The following CSMD3 variants were observed in gnomAD, a reference collection of about 807,000 sequenced individuals.
CSMD3 encodes the protein CUB and sushi domain-containing protein 3.
In CSMD3, 177 loss-of-function variants were observed where a neutral mutation model predicts 435.2. The ratio of observed to expected loss-of-function variants is 0.41; its 90% CI spans 0.36 to 0.46. CSMD3 has a LOEUF of 0.46. CSMD3 is among the 20% of genes least tolerant of loss of function. The pLI is 0.34. For missense variants in CSMD3, 4,265 were observed against 4,504.6 expected (o/e 0.95, Z 1.52); for synonymous variants, 1,656 against 1,520.5 (o/e 1.09, Z -2.07).
chr8:112,689,876 A>C lies in CSMD3; in HGVS notation c.2147T>G (p.Ile716Ser), dbSNP rs1241099473. 4 of 1,612,886 alleles carry C rather than the reference A, an allele frequency of 2.5e-6. 1 individual carries two copies. In the South Asian group the frequency reaches 4.4e-5, roughly 18 times the overall value. Residue 716 changes from isoleucine to serine, a missense_variant, in exon 14 of 71, where the codon ATC (isoleucine) becomes AGC (serine). This residue lies in a region of CSMD3 where 279 missense variants were observed against 369.0 expected (regional missense o/e 0.76). Coordinates refer to ENST00000297405, the MANE Select transcript of CSMD3 (RefSeq NM_198123.2). ...AAGCATTTGGTACTCACAGATACAGATGGGTATGTTTGCAGACCATTGGTT... is the reference window on the plus strand; with the variant it reads ...AAGCATTTGGTACTCACAGATACAGCTGGGTATGTTTGCAGACCATTGGTT... Reference protein sequence around the residue: ...ENNQWSANIPICIFPCLSNFT... With the variant: ...ENNQWSANIPSCIFPCLSNFT...
intron 7 of CSMD3, among the ~76,000 whole-genome samples, chr8:112,972,302 C>T (rs2084687292): frequency 2.6e-5 from 4 of 151,774 alleles, no homozygotes; most frequent in Admixed American, 1.3e-4. Context: ...TTGCAGACAT[C>T]GAACGGACCT....
chr8:113,281,910 G>C (rs569388211), intron 2 of CSMD3, among the ~76,000 whole-genome samples: 5 of 152,000 alleles, frequency 3.3e-5, no homozygotes, highest in African/African-American at 1.2e-4. Flanking sequence ...GTCTGAAAAA[G>C]ACTGTATCTT....
chr8:113,062,639 G>A (rs2088664959), intron 5 of CSMD3, among the ~76,000 whole-genome samples: 1 of 151,654 alleles, frequency 6.6e-6, no homozygotes, highest in South Asian at 2.1e-4. Context: ...AAAATGAAAA[G>A]GCTGGTCAAA....
chr8:112,803,474 A>G (rs1417519315), intron 12 of CSMD3, among the ~76,000 whole-genome samples: 1 of 152,170 alleles, frequency 6.6e-6, no homozygotes, highest in African/African-American at 2.4e-5. Flanking sequence ...AAAGTCACTT[A>G]TCATTTATAT....
At chr8:113,226,848 A>G (rs1208001781) in intron 3 of CSMD3, among the ~76,000 whole-genome samples, 1 of 151,584 alleles carries the variant, frequency 6.6e-6, no homozygotes, top group Non-Finnish European at 1.5e-5. Flanking sequence ...TGTCTTTCAT[A>G]TCCCATAAAG....
At chr8:113,127,401 A>G (rs1311775700) in intron 4 of CSMD3, among the ~76,000 whole-genome samples, 1 of 152,022 alleles carries the variant, frequency 6.6e-6, no homozygotes, top group Non-Finnish European at 1.5e-5. Context: ...TGCATGTAAC[A>G]TTTATTGAGT....
intron 5 of CSMD3, among the ~76,000 whole-genome samples, chr8:113,065,058 C>T (rs2088793781): frequency 6.6e-6 from 1 of 152,052 alleles, no homozygotes; most frequent in Admixed American, 6.6e-5. Context: ...AAATATACAG[C>T]TATATAGTTG....
At chr8:113,299,791 T>C (rs1563668746) in intron 2 of CSMD3, among the ~76,000 whole-genome samples, 2 of 152,048 alleles carry the variant, frequency 1.3e-5, no homozygotes, top group Non-Finnish European at 2.9e-5. Context: ...GGCCAGGAGT[T>C]CAAGACCAGC....
chr8:112,252,052 A>T (rs1391148464), intron 63 of CSMD3, among the ~76,000 whole-genome samples: 1 of 151,916 alleles, frequency 6.6e-6, no homozygotes, highest in Non-Finnish European at 1.5e-5. Context: ...ATAAATCTAT[A>T]AAGAAAAAGA....
In CSMD3 at chr8:112,418,494, C is replaced by G. The variant is rs896768699; in HGVS notation, c.5396-9462G>C. Among the ~76,000 whole-genome samples the G allele has an allele frequency of 9.9e-5, 15 of 152,146 alleles. 1 individual carries two copies. The East Asian group carries it at 2.9e-3, about 29-fold the overall frequency. On this transcript the variant is annotated intron_variant, in intron 32 of 70. Coordinates refer to ENST00000297405, the MANE Select transcript of CSMD3 (RefSeq NM_198123.2). Reference sequence around the variant, plus strand: ...AAAGTACTTATTGTATAAATAGCTACAAATTTGCATTTTGGGATCATTATA... The same window carrying G: ...AAAGTACTTATTGTATAAATAGCTAGAAATTTGCATTTTGGGATCATTATA...
rs928050555 is a variant in CSMD3 at position 112,223,076 on chromosome 8, C to T, written c.*1695G>A. ...GAGGAGTAGCCAGTTGCAGAAGAAA[C>T]ATTGTTTAAACAAGATCTTAAATGT... On this transcript the variant is annotated 3_prime_UTR_variant, in exon 71 of 71. Coordinates refer to ENST00000297405, the MANE Select transcript of CSMD3 (RefSeq NM_198123.2). 14 of 398,476 alleles carry T rather than the reference C, an allele frequency of 3.5e-5. No individual in the cohort carries two copies. The highest frequency in any genetic ancestry group is 1.2e-4 in the African/African-American group (6 of 48,692). The allele number at this position is 398,476 out of a possible 1,614,324, so 24.7% of individuals were successfully genotyped here.
chr8:112,270,608 T>C (rs1207322795), intron 59 of CSMD3, among the ~76,000 whole-genome samples: 2 of 152,138 alleles, frequency 1.3e-5, no homozygotes, highest in African/African-American at 4.8e-5. Flanking sequence ...CCAATGATAG[T>C]AGGTTTTGTT....
At chr8:112,355,380 C>G (rs867214969) in intron 38 of CSMD3, among the ~76,000 whole-genome samples, 8 of 152,060 alleles carry the variant, frequency 5.3e-5, no homozygotes, top group South Asian at 4.1e-4. Context: ...AGTTTCTGCA[C>G]AGCAAAAGAA....
At chr8:113,122,975 G>A (rs1435440351) in intron 4 of CSMD3, among the ~76,000 whole-genome samples, 7 of 150,832 alleles carry the variant, frequency 4.6e-5, no homozygotes, top group Non-Finnish European at 1.0e-4. Flanking sequence ...TCCTTTAAAC[G>A]TCATTGGCCC....
intron 3 of CSMD3, among the ~76,000 whole-genome samples, chr8:113,179,314 T>G (rs2092391387): frequency 6.6e-6 from 1 of 151,796 alleles, no homozygotes; most frequent in African/African-American, 2.4e-5. Context: ...AAATTGTGTA[T>G]TTGAGACATC....
At chr8:112,275,225 C>T (rs1817923009) in intron 59 of CSMD3, among the ~76,000 whole-genome samples, 2 of 151,996 alleles carry the variant, frequency 1.3e-5, no homozygotes, top group Admixed American at 6.5e-5. Context: ...CTGATAAAGA[C>T]GTACCTGAGA....
chr8:112,883,674 A>G lies in CSMD3; in HGVS notation c.1634-24408T>C, dbSNP rs562681390. Among the ~76,000 whole-genome samples, 18 of 152,060 alleles carry G rather than the reference A, an allele frequency of 1.2e-4. No individual in the cohort carries two copies. The East Asian group carries it at 3.3e-3, about 28-fold the overall frequency. On this transcript the variant is annotated intron_variant, in intron 10 of 70. Coordinates refer to ENST00000297405, the MANE Select transcript of CSMD3 (RefSeq NM_198123.2). ...CTTACAAAATCATGGTACATTTGTCAAAACTAAGAAATTACCCTTAGTATA... is the reference window on the plus strand; with the variant it reads ...CTTACAAAATCATGGTACATTTGTCGAAACTAAGAAATTACCCTTAGTATA...
At chr8:113,065,177 A>G (rs2088799436) in intron 5 of CSMD3, among the ~76,000 whole-genome samples, 1 of 152,192 alleles carries the variant, frequency 6.6e-6, no homozygotes, top group Admixed American at 6.6e-5. Flanking sequence ...ATTATTTTGC[A>G]ATAAATAAGT....
intron 1 of CSMD3, chr8:113,377,090 T>G (rs980783057): frequency 5.3e-5 from 69 of 1,293,012 alleles, no homozygotes; most frequent in Non-Finnish European, 6.8e-5. Context: ...CAGCTGGCGC[T>G]GGACTCCCCC....
Sources: allele counts gnomAD v4.1 joint callset (sites outside exome capture counted in the v4.1 genomes callset), GRCh38; gene constraint gnomAD v4.1.1; regional missense constraint gnomAD v4.1.1; transcripts MANE v1.5; gene names NCBI Gene and HGNC (gene_info 2026-07-23, HGNC 2026-07-21).